The following RFX7 variants were observed in gnomAD, a reference collection of about 807,000 sequenced individuals.
RFX7 encodes the protein regulatory factor X7, also known as DNA-binding protein RFX7.
A neutral mutation model predicts 111.8 loss-of-function variants in RFX7; 26 were observed. That is an observed-to-expected ratio of 0.23 (90% CI 0.17 to 0.32). The LOEUF (loss-of-function observed/expected upper bound fraction) is 0.32, where lower values mean the gene tolerates loss of function less well. Among genes scored for constraint, RFX7 ranks in the 10% least tolerant of loss-of-function variants. The pLI, the probability that RFX7 is intolerant of heterozygous loss-of-function variation, is 1.00. For synonymous variants in RFX7, 624 were observed against 624.4 expected (o/e 1.00, Z 0.01); for missense variants, 1,573 against 1,772.9 (o/e 0.89, Z 2.02).
chr15:56,239,153 T>A (rs994071490), intron 2 of RFX7, among the ~76,000 whole-genome samples: 115 of 152,188 alleles, frequency 7.6e-4, no homozygotes, highest in Non-Finnish European at 2.1e-4. Flanking sequence ...TTTATTATTT[T>A]GGATTTTGGA....
At chr15:56,171,808 T>A (rs577489543) in intron 3 of RFX7, among the ~76,000 whole-genome samples, 11 of 152,282 alleles carry the variant, frequency 7.2e-5, no homozygotes, top group African/African-American at 2.2e-4. Flanking sequence ...GAAGTACTTA[T>A]GTGACATCCA....
At chr15:56,180,674 G>A (rs1473206911) in intron 2 of RFX7, among the ~76,000 whole-genome samples, 1 of 151,534 alleles carries the variant, frequency 6.6e-6, no homozygotes, top group Non-Finnish European at 1.5e-5. Flanking sequence ...GGGAGGCAGA[G>A]GCAGGTGGAT....
chr15:56,197,628 G>A (rs572460537), intron 2 of RFX7, among the ~76,000 whole-genome samples: 14 of 152,132 alleles, frequency 9.2e-5, no homozygotes, highest in East Asian at 3.9e-4. Flanking sequence ...CCTGGTACAC[G>A]TTAGGCAATT....
intron 3 of RFX7, among the ~76,000 whole-genome samples, chr15:56,162,717 A>T (rs1166215602): frequency 6.6e-6 from 1 of 152,108 alleles, no homozygotes; most frequent in African/African-American, 2.4e-5. Context: ...TTTAATGTAA[A>T]AAAAGGAAAG....
At chr15:56,219,437 TC>T (rs2043401273) in intron 2 of RFX7, among the ~76,000 whole-genome samples, 1 of 152,198 alleles carries the variant, frequency 6.6e-6, no homozygotes, top group Non-Finnish European at 1.5e-5. Context: ...AATTGCTATG[TC>T]ACAGGGATTT....
chr15:56,150,514 A>C (rs2141045939), intron 3 of RFX7, among the ~76,000 whole-genome samples: 1 of 152,344 alleles, frequency 6.6e-6, no homozygotes, highest in South Asian at 2.1e-4. Context: ...ATACCCAGAC[A>C]AACAGGGTCG....
At chr15:56,168,713 G>A (rs1256680295) in intron 3 of RFX7, among the ~76,000 whole-genome samples, 1 of 152,274 alleles carries the variant, frequency 6.6e-6, no homozygotes, top group East Asian at 1.9e-4. Flanking sequence ...TCTGGAGGTT[G>A]AAGTTCCTAA....
chr15:56,178,556 A>T (rs76521003), intron 3 of RFX7, among the ~76,000 whole-genome samples: 2 of 152,116 alleles, frequency 1.3e-5, no homozygotes, highest in African/African-American at 4.8e-5. Flanking sequence ...GGAATCTAAC[A>T]GTATAGAGCC....
chr15:56,198,641 A>T (rs749572255), intron 2 of RFX7, among the ~76,000 whole-genome samples: 26 of 152,172 alleles, frequency 1.7e-4, no homozygotes, highest in Non-Finnish European at 3.2e-4. Context: ...AATTTTTTAA[A>T]GGGATCTACA....
intron 2 of RFX7, among the ~76,000 whole-genome samples, chr15:56,214,118 T>A (rs1282499742): frequency 6.6e-6 from 1 of 152,160 alleles, no homozygotes; most frequent in Non-Finnish European, 1.5e-5. Context: ...TATTTAACCA[T>A]GTGCAAATAC....
At chr15:56,202,088 C>T (rs566542905) in intron 2 of RFX7, among the ~76,000 whole-genome samples, 6 of 152,064 alleles carry the variant, frequency 3.9e-5, no homozygotes, top group African/African-American at 1.4e-4. Flanking sequence ...GAAAAACTGC[C>T]AAGTAACACA....
intron 3 of RFX7, among the ~76,000 whole-genome samples, chr15:56,178,131 A>G (rs1441065048): frequency 6.0e-5 from 9 of 148,914 alleles, no homozygotes; most frequent in African/African-American, 2.0e-4. Flanking sequence ...GAGGATTATT[A>G]TAAGACAAAA....
chr15:56,145,198 A>T (rs77788855), intron 3 of RFX7, among the ~76,000 whole-genome samples: 2,150 of 152,268 alleles, frequency 0.014, 45 homozygotes, highest in African/African-American at 0.048. Flanking sequence ...TTCTAAACTC[A>T]GTTTGCCATA....
At chr15:56,123,698 A>G (rs1161342257) in intron 5 of RFX7, among the ~76,000 whole-genome samples, 1 of 152,188 alleles carries the variant, frequency 6.6e-6, no homozygotes, top group Non-Finnish European at 1.5e-5. Flanking sequence ...AGGACTCCAG[A>G]GCACTTTAGC....
chr15:56,161,810 T>C (rs1031057580), intron 3 of RFX7, among the ~76,000 whole-genome samples: 1 of 152,078 alleles, frequency 6.6e-6, no homozygotes, highest in African/African-American at 2.4e-5. Context: ...ACTCATATAG[T>C]AGGAACTATG....
Position 56,096,237 on chromosome 15 carries a change from A to G in RFX7, c.1491T>C (p.Ser497=). ...TPLKHSASVS[S]ATGTTEESRS... The stretch of plus-strand genomic sequence containing the variant: ...TTGATTCTTCTGTTGTTCCTGTAGC[A>G]CTGCTGACTGAGGCAGAATGTTTAA... Residue 497 remains serine, a synonymous_variant, in exon 10 of 10, where the codon AGT becomes AGC. Transcript: ENST00000559447. The G allele has an allele frequency of 6.2e-7, 1 of 1,613,940 alleles. No individual in the cohort carries two copies. Among genetic ancestry groups the G allele is most frequent in the South Asian group, 1.1e-5 (1 of 91,076 alleles).
intron 3 of RFX7, among the ~76,000 whole-genome samples, chr15:56,154,875 T>C (rs1178382945): frequency 6.6e-6 from 1 of 152,076 alleles, no homozygotes; most frequent in African/African-American, 2.4e-5. Context: ...ATTTTTGCAA[T>C]CTATCCACCT....
chr15:56,208,198 C>T (rs2043274748), intron 2 of RFX7, among the ~76,000 whole-genome samples: 1 of 152,148 alleles, frequency 6.6e-6, no homozygotes, highest in African/African-American at 2.4e-5. Flanking sequence ...CATTCTGTTC[C>T]TAATAACGCT....
intron 2 of RFX7, among the ~76,000 whole-genome samples, chr15:56,223,451 A>G (rs1451383693): frequency 6.6e-6 from 1 of 152,144 alleles, no homozygotes; most frequent in East Asian, 1.9e-4. Flanking sequence ...TCTCCTAAGG[A>G]TCATAGCCCT....
Sources: allele counts gnomAD v4.1 joint callset (sites outside exome capture counted in the v4.1 genomes callset), GRCh38; gene constraint gnomAD v4.1.1; transcripts MANE v1.5; gene names NCBI Gene and HGNC (gene_info 2026-07-23, HGNC 2026-07-21).